The following SHISA9 variants were observed in gnomAD, a reference collection of about 807,000 sequenced individuals.
The protein encoded by SHISA9 is protein shisa-9.
In SHISA9, 13 loss-of-function variants were observed where a neutral mutation model predicts 38.0. The observed-to-expected ratio is 0.34, with a 90% confidence interval of 0.22 to 0.54. SHISA9 has a LOEUF of 0.54. SHISA9 is among the 20% of genes least tolerant of loss of function. The probability of loss-of-function intolerance (pLI) is 0.91; values close to 1 mark genes in which losing one functional copy is unlikely to be tolerated. For missense variants in SHISA9, 538 were observed against 575.8 expected (o/e 0.93, Z 0.67); for synonymous variants, 275 against 242.0 (o/e 1.14, Z -1.27).
the SHISA9 span, among the ~76,000 whole-genome samples, chr16:13,449,781 C>T: frequency 1.3e-5 from 2 of 152,078 alleles, no homozygotes; most frequent in Non-Finnish European, 2.9e-5. Context: ...ATATTGTAGA[C>T]ATCTTCTGGG....
At chr16:13,248,570 C>G in the SHISA9 span, among the ~76,000 whole-genome samples, 7 of 152,262 alleles carry the variant, frequency 4.6e-5, no homozygotes, top group Non-Finnish European at 7.4e-5. Context: ...ATCTGTAGAG[C>G]AAGCCCAGTC....
intron 4 of SHISA9, among the ~76,000 whole-genome samples, chr16:13,217,954 G>A (rs564046923): frequency 1.5e-4 from 23 of 150,308 alleles, no homozygotes; most frequent in Non-Finnish European, 3.3e-4. Context: ...GGCTTGAAAC[G>A]TGGAGGCAGA....
At chr16:13,414,738 G>T in the SHISA9 span, among the ~76,000 whole-genome samples, 10 of 146,416 alleles carry the variant, frequency 6.8e-5, no homozygotes, top group Admixed American at 2.1e-4. Flanking sequence ...TCTGCCTCCC[G>T]GGTTCAAGCG....
intron 2 of SHISA9, among the ~76,000 whole-genome samples, chr16:13,169,925 G>A (rs900080732): frequency 4.6e-5 from 7 of 152,080 alleles, no homozygotes; most frequent in African/African-American, 9.7e-5. Flanking sequence ...TGTTCAGGCC[G>A]GGTGCGGTGG....
At chr16:13,348,231 T>G in the SHISA9 span, among the ~76,000 whole-genome samples, 2 of 152,136 alleles carry the variant, frequency 1.3e-5, no homozygotes, top group Non-Finnish European at 2.9e-5. Flanking sequence ...TTTTGAATAT[T>G]TGCATTAGAT....
chr16:13,008,359 T>G (rs900372091), intron 2 of SHISA9, among the ~76,000 whole-genome samples: 1 of 152,126 alleles, frequency 6.6e-6, no homozygotes, highest in Non-Finnish European at 1.5e-5. Context: ...AATAAACCAT[T>G]GCACTCGAAT....
intron 2 of SHISA9, among the ~76,000 whole-genome samples, chr16:13,104,238 T>C (rs1445850094): frequency 6.6e-6 from 1 of 152,124 alleles, no homozygotes; most frequent in Non-Finnish European, 1.5e-5. Flanking sequence ...TTTAATAGTA[T>C]GAGCTTGGGT....
chr16:13,060,175 C>G (rs1198551378), intron 2 of SHISA9, among the ~76,000 whole-genome samples: 1 of 152,188 alleles, frequency 6.6e-6, no homozygotes, highest in Non-Finnish European at 1.5e-5. Context: ...TCTGTTCTCT[C>G]AATGCGCCCC....
chr16:12,989,039 A>G (rs1596567532), intron 2 of SHISA9, among the ~76,000 whole-genome samples: 1 of 152,094 alleles, frequency 6.6e-6, no homozygotes, highest in South Asian at 2.1e-4. Flanking sequence ...TCAGAAGATG[A>G]GGTAAGAGCT....
chr16:13,257,886 A>G, the SHISA9 span, among the ~76,000 whole-genome samples: 2 of 152,152 alleles, frequency 1.3e-5, no homozygotes, highest in Admixed American at 6.5e-5. Flanking sequence ...GGTGACATAA[A>G]CCTGTGCTTT....
intron 2 of SHISA9, among the ~76,000 whole-genome samples, chr16:12,926,658 G>A (rs1389050793): frequency 3.3e-5 from 5 of 152,126 alleles, no homozygotes; most frequent in Admixed American, 3.3e-4. Flanking sequence ...CAAAACATCT[G>A]CCTAGTAACA....
chr16:13,221,313 C>T (rs1319524668), intron 4 of SHISA9, among the ~76,000 whole-genome samples: 1 of 152,162 alleles, frequency 6.6e-6, no homozygotes, highest in Non-Finnish European at 1.5e-5. Flanking sequence ...ACTCCCTGGT[C>T]CTCTCCTGCT....
At chr16:13,242,993 C>G (rs188513190), downstream of SHISA9, among the ~76,000 whole-genome samples, 2 of 152,142 alleles carry the variant, frequency 1.3e-5, no homozygotes, top group Non-Finnish European at 1.5e-5. Flanking sequence ...GTAATCCCAG[C>G]ACTTTGGGAG....
chr16:13,081,580 C>G (rs1447129748), intron 2 of SHISA9, among the ~76,000 whole-genome samples: 3 of 152,084 alleles, frequency 2.0e-5, no homozygotes, highest in South Asian at 2.1e-4. Flanking sequence ...TGTGCATTCC[C>G]TCCTCCTCCA....
chr16:13,223,245 A>G (rs2051246590), intron 4 of SHISA9, among the ~76,000 whole-genome samples: 1 of 152,056 alleles, frequency 6.6e-6, no homozygotes. Flanking sequence ...TGGACAACAT[A>G]GTGAGACACC....
chr16:13,546,821 C>G, the SHISA9 span, among the ~76,000 whole-genome samples: 1 of 152,144 alleles, frequency 6.6e-6, no homozygotes, highest in Non-Finnish European at 1.5e-5. Flanking sequence ...AAAAAGAAAC[C>G]ATACGGTCTG....
chr16:13,243,064 C>A (rs1385451083), downstream of SHISA9, among the ~76,000 whole-genome samples: 4 of 151,966 alleles, frequency 2.6e-5, no homozygotes, highest in Admixed American at 1.3e-4. Context: ...CATGGTGAAA[C>A]CCCATCTCTA....
At chr16:13,052,560 C>T (rs931270943) in intron 2 of SHISA9, among the ~76,000 whole-genome samples, 3 of 152,108 alleles carry the variant, frequency 2.0e-5, no homozygotes, top group Non-Finnish European at 4.4e-5. Context: ...GAGTCTTGAA[C>T]CCAATCTATG....
At position 12,977,867 on chromosome 16, in the gene SHISA9, G is replaced by T. The variant is rs146121984; in HGVS notation, c.691+61052G>T. Among the ~76,000 whole-genome samples the T allele has an allele frequency of 9.9e-5, 15 of 152,184 alleles. No individual in the cohort carries two copies. The East Asian group carries it at 2.9e-3, about 30-fold the overall frequency. Reference sequence around the variant, plus strand: ...GCATCAGCAAAAATAGCTAATGCATGCTGGGTTTAATACTTAGGTAACGAG... The same window carrying T: ...GCATCAGCAAAAATAGCTAATGCATTCTGGGTTTAATACTTAGGTAACGAG... On this transcript the variant is annotated intron_variant, in intron 2 of 4. Coordinates refer to ENST00000558583, the MANE Select transcript of SHISA9 (RefSeq NM_001145204.3).
Sources: gnomAD v4.1 joint callset for allele counts (sites outside exome capture counted in the v4.1 genomes callset) on GRCh38, gnomAD v4.1.1 for gene constraint, MANE v1.5 for transcripts, NCBI Gene and HGNC (gene_info 2026-07-23, HGNC 2026-07-21) for gene names.